MPP7: variants seen among roughly 807,000 people sequenced by gnomAD.
MPP7 encodes MAGUK p55 subfamily member 7.
In MPP7, 60 loss-of-function variants were observed where a neutral mutation model predicts 76.5. The observed-to-expected ratio is 0.78, with a 90% CI of 0.64 to 0.97. MPP7 has a LOEUF of 0.97. Ranked by LOEUF, MPP7 falls within the 50% of genes least tolerant of loss-of-function variation. The pLI is 0.00. For synonymous variants in MPP7, 237 were observed against 244.5 expected, an observed-to-expected ratio of 0.97 and a Z score of 0.29; for missense variants, 641 against 694.0, an observed-to-expected ratio of 0.92 and a Z score of 0.86.
Position 28,213,809 on chromosome 10 carries a change from A to AAG in MPP7, c.38-11540_38-11539dup, listed in dbSNP as rs1211589640. On this transcript the variant is annotated intron_variant, in intron 2 of 16. Transcript: ENST00000683449. ...TCTGTCTCAAAAAAAAAAAAAAAAAAAGAGAGAGAGAGAGAGAGAGAAGGT... is the reference window on the plus strand; with the variant it reads ...TCTGTCTCAAAAAAAAAAAAAAAAAAAGAGAGAGAGAGAGAGAGAGAGAAGGT... 4.0e-3 allele frequency among the ~76,000 whole-genome samples: 549 copies of AAG among 136,442 alleles called. 1 individual carries two copies. Among genetic ancestry groups the AAG allele is most frequent in the African/African-American group, 7.8e-3 (259 of 33,236 alleles). 89.5% of individuals were successfully genotyped at this position (136,442 alleles called of 152,430 possible). A position where few individuals can be genotyped will look rare whatever the true frequency, so the allele number is the denominator to read the frequency against.
chr10:28,125,199 A>T, intron 6 of MPP7, 108 bp from the exon 7 acceptor site: 1 of 908,474 alleles, frequency 1.1e-6, no homozygotes, highest in South Asian at 1.5e-5. Context: ...AACTACAAAA[A>T]CGAAAAAAAA....
chr10:28,246,842 G>C (rs776741571), intron 1 of MPP7, among the ~76,000 whole-genome samples: 1 of 151,754 alleles, frequency 6.6e-6, no homozygotes, highest in Non-Finnish European at 1.5e-5. Context: ...ATGAGATTTG[G>C]GTACGGACAC....
chr10:28,093,045 GGCCCAGACTGTA>G (rs984472432), intron 11 of MPP7, among the ~76,000 whole-genome samples: 15 of 152,066 alleles, frequency 9.9e-5, no homozygotes, highest in African/African-American at 3.4e-4. Flanking sequence ...GATGTGTGCT[GGCCCAGACTGTA>G]GCCCAGTATT....
At chr10:28,315,228 G>A (rs2133178176) in intron 2 of MPP7, among the ~76,000 whole-genome samples, 2 of 147,100 alleles carry the variant, frequency 1.4e-5, no homozygotes, top group Middle Eastern at 3.5e-3. Context: ...AGGAAGGGAG[G>A]GAGGGAGGAA....
chr10:28,112,482 C>T (rs1050493509), intron 11 of MPP7, among the ~76,000 whole-genome samples: 2 of 152,170 alleles, frequency 1.3e-5, no homozygotes, highest in Non-Finnish European at 2.9e-5. Context: ...ACATATTTCA[C>T]ATTTTAATAA....
At position 28,125,240 on chromosome 10, in the gene MPP7, C is replaced by T. The variant is rs1834981707; in HGVS notation, c.448-149G>A. 8 of 654,368 alleles carry T rather than the reference C, an allele frequency of 1.2e-5. No individual in the cohort carries two copies. In the South Asian group the frequency reaches 1.5e-4, roughly 12 times the overall value. 40.5% of individuals were successfully genotyped at this position (654,368 alleles called of 1,614,324 possible). A position where few individuals can be genotyped will look rare whatever the true frequency, so the allele number is the denominator to read the frequency against. ...GAGGCAGGAAAAATAGACATCATGC[C>T]ATTTGTCTTAGAATGTCTATTCTCA... is the stretch of plus-strand genomic sequence containing the variant. On this transcript the variant is annotated intron_variant, in intron 6 of 16. Transcript: ENST00000683449.
chr10:28,176,129 C>T (rs751793987), intron 3 of MPP7, among the ~76,000 whole-genome samples: 1 of 151,996 alleles, frequency 6.6e-6, no homozygotes, highest in Non-Finnish European at 1.5e-5. Context: ...CTGTTAGGAA[C>T]CAATACAGTA....
At chr10:28,273,841 T>C (rs543637243) in intron 1 of MPP7, among the ~76,000 whole-genome samples, 16 of 152,174 alleles carry the variant, frequency 1.1e-4, no homozygotes, top group African/African-American at 3.9e-4. Flanking sequence ...GATTAGAAAA[T>C]ACTACAAGGC....
chr10:28,224,866 T>C (rs1241946385), intron 2 of MPP7, among the ~76,000 whole-genome samples: 1 of 152,040 alleles, frequency 6.6e-6, no homozygotes, highest in Non-Finnish European at 1.5e-5. Context: ...ATCAAAAAAA[T>C]AAAAATAAAA....
intron 12 of MPP7, among the ~76,000 whole-genome samples, chr10:28,082,383 CCTT>C (rs1852803866): frequency 6.6e-6 from 1 of 151,670 alleles, no homozygotes; most frequent in South Asian, 2.1e-4. Flanking sequence ...TCCTCCTCTT[CCTT>C]CTTCTTCCCC....
At chr10:28,332,047 C>A (rs1432239567) in intron 1 of MPP7, among the ~76,000 whole-genome samples, 2 of 152,140 alleles carry the variant, frequency 1.3e-5, no homozygotes, top group Non-Finnish European at 2.9e-5. Context: ...ATTGAACAAG[C>A]ATTTGCTTTG....
At chr10:28,141,776 CATAAA>C (rs1002612169) in intron 5 of MPP7, among the ~76,000 whole-genome samples, 36 of 151,736 alleles carry the variant, frequency 2.4e-4, no homozygotes, top group African/African-American at 8.5e-4. Flanking sequence ...TTTTTTATGA[CATAAA>C]AGAGAATTCC....
At chr10:28,173,223 C>T (rs1836743418) in intron 3 of MPP7, among the ~76,000 whole-genome samples, 2 of 132,376 alleles carry the variant, frequency 1.5e-5, no homozygotes, top group Admixed American at 8.0e-5. Context: ...AGGTGAGTAG[C>T]GATGAAAAAA....
At chr10:28,197,933 C>G (rs947681240) in intron 3 of MPP7, among the ~76,000 whole-genome samples, 19 of 152,018 alleles carry the variant, frequency 1.2e-4, no homozygotes, top group Non-Finnish European at 2.5e-4. Context: ...ATATGCAAAG[C>G]TAAAACAATG....
At chr10:28,174,334 C>T (rs187171542) in intron 3 of MPP7, among the ~76,000 whole-genome samples, 8 of 152,266 alleles carry the variant, frequency 5.3e-5, no homozygotes, top group Admixed American at 3.9e-4. Context: ...ACAGATCCCT[C>T]GTGAATGGTT....
chr10:28,081,768 CT>C (rs527520547), intron 12 of MPP7, among the ~76,000 whole-genome samples: 207 of 143,706 alleles, frequency 1.4e-3, no homozygotes, highest in Non-Finnish European at 1.6e-3. Context: ...AAATTATTCT[CT>C]TTTTTTTTTT....
intron 11 of MPP7, among the ~76,000 whole-genome samples, chr10:28,113,552 T>C (rs1056080053): frequency 2.6e-5 from 4 of 152,132 alleles, no homozygotes; most frequent in Admixed American, 1.3e-4. Context: ...AATCAAGTCC[T>C]TATGAGAGAG....
intron 12 of MPP7, among the ~76,000 whole-genome samples, chr10:28,075,326 T>C (rs1483180791): frequency 6.6e-6 from 1 of 151,936 alleles, no homozygotes; most frequent in Non-Finnish European, 1.5e-5. Flanking sequence ...GATCAACCCA[T>C]TGGCCCCTCT....
chr10:28,211,444 C>CAT (rs59909463), intron 2 of MPP7, among the ~76,000 whole-genome samples: 129 of 149,882 alleles, frequency 8.6e-4, no homozygotes, highest in African/African-American at 3.0e-3. Flanking sequence ...TATTTTTTGC[C>CAT]ATATATATAT....
Sources: allele counts gnomAD v4.1 joint callset (sites outside exome capture counted in the v4.1 genomes callset), GRCh38; gene constraint gnomAD v4.1.1; transcripts MANE v1.5; gene names NCBI Gene and HGNC (gene_info 2026-07-23, HGNC 2026-07-21).